EMG1: variants seen among roughly 807,000 people sequenced by gnomAD.
EMG1 encodes ribosomal RNA small subunit methyltransferase NEP1.
In EMG1, 24 loss-of-function variants were observed where a neutral mutation model predicts 26.9. That is an observed-to-expected ratio of 0.89 (90% CI 0.65 to 1.26). EMG1 has a LOEUF of 1.26. Among genes scored for constraint, EMG1 ranks in the 50% most tolerant of loss-of-function variants. The pLI, the probability that EMG1 is intolerant of heterozygous loss-of-function variation, is 0.00. For missense variants in EMG1, 299 were observed against 307.6 expected, an observed-to-expected ratio of 0.97 and a Z score of 0.21; for synonymous variants, 140 against 112.6, an observed-to-expected ratio of 1.24 and a Z score of -1.54.
chr12:6,985,607 C>T (rs1329084759), intron 6 of EMG1, among the ~76,000 whole-genome samples: 267 of 141,338 alleles, frequency 1.9e-3, no homozygotes, highest in Non-Finnish European at 3.1e-3. Context: ...CCCAGCTACT[C>T]GGGAGGCTGA....
rs782218371 is a variant in EMG1 at position 6,974,686 on chromosome 12, C to T, written c.405C>T (p.Gly135=). 45 of 1,613,848 alleles carry T rather than the reference C, an allele frequency of 2.8e-5. No individual in the cohort carries two copies. In the South Asian group the frequency reaches 4.7e-4, roughly 17 times the overall value. The change falls in exon 3 of 6, where the codon GGC becomes GGT. Residue 135 remains glycine, a synonymous_variant. Coordinates refer to ENST00000599672, the MANE Select transcript of EMG1 (RefSeq NM_006331.8). ...CCAGAACCTTTGACCGCTTTTGTGG[C>T]CTCATGGGTAAGAAGCCTTAGAACA... The part of the protein sequence containing the change: ...RIPRTFDRFC[G]LMVQLLHKLS...
At chr12:6,982,150 C>A (rs190619177), downstream of EMG1, among the ~76,000 whole-genome samples, 1 of 152,164 alleles carries the variant, frequency 6.6e-6, no homozygotes, top group African/African-American at 2.4e-5. Context: ...CCACCCCACC[C>A]GGCTAATTTT....
chr12:6,976,477 C>A lies in EMG1; in HGVS notation c.*668C>A, dbSNP rs1555153203. The A allele has an allele frequency of 6.5e-6, 1 of 153,466 alleles. No individual in the cohort carries two copies. The highest frequency in any genetic ancestry group is 6.5e-5 in the Admixed American group (1 of 15,408). The allele number at this position is 153,466 out of a possible 1,614,324, so 9.5% of individuals were successfully genotyped here. On this transcript the variant is annotated 3_prime_UTR_variant, in exon 6 of 6. Transcript: ENST00000599672. ...CGGTGGCTCACGCCTGTAATCCCAG[C>A]ACTTTGGGAGGCGGAGGCGGGTGGA...
downstream of EMG1, chr12:6,981,889 C>G (rs782789635): frequency 6.2e-7 from 1 of 1,607,590 alleles, no homozygotes; most frequent in Non-Finnish European, 8.5e-7. Flanking sequence ...TAATAGTATC[C>G]AGCCAGAAGG....
Position 6,975,163 on chromosome 12 carries a change from C to G in EMG1, c.471+15C>G, listed in dbSNP as rs1555152927. The G allele has an allele frequency of 6.2e-7, 1 of 1,613,870 alleles. No individual in the cohort carries two copies. The highest frequency in any genetic ancestry group is 1.3e-5 in the African/African-American group (1 of 74,928). The stretch of plus-strand genomic sequence containing the variant: ...AGCTTTTGAAGGTGAGGTATTGAAA[C>G]CTGTTAGTTGAAGGCTGGTTCTGGG... On this transcript the variant is annotated intron_variant, in intron 4 of 5. Coordinates refer to ENST00000599672, the MANE Select transcript of EMG1 (RefSeq NM_006331.8).
At chr12:6,974,869 C>G in intron 3 of EMG1, 176 bp downstream of exon 3, 1 of 818,350 alleles carries the variant, frequency 1.2e-6, no homozygotes, top group Non-Finnish European at 2.0e-6. Context: ...CACTCCTGTT[C>G]TTGCAGTAGC....
At position 6,971,017 on chromosome 12, in the gene EMG1, C is replaced by G. The variant is rs1946317570; in HGVS notation, c.94C>G (p.Leu32Val). 6.2e-7 allele frequency: 1 copy of G among 1,611,550 alleles called. No individual in the cohort carries two copies. The highest frequency in any genetic ancestry group is 8.5e-7 in the Non-Finnish European group (1 of 1,178,742). Reference sequence around the variant, plus strand: ...TGCTCTGCCACCCAAGCGGCCCCGACTAGGGGCAGGAAACAAGATCGGAGG... The same window carrying G: ...TGCTCTGCCACCCAAGCGGCCCCGAGTAGGGGCAGGAAACAAGATCGGAGG... The part of the protein sequence containing the change: ...WDALPPKRPR[L>V]GAGNKIGGRR... The change falls in exon 1 of 6, where the codon CTA becomes GTA. Residue 32 changes from leucine to valine, a missense_variant. Leu to Val is a conservative substitution (Grantham distance 32). Transcript: ENST00000599672.
chr12:6,976,317 AGTAAATTG>A lies in EMG1; in HGVS notation c.*510_*517del, dbSNP rs1555153179. 1 of 153,752 alleles carries A rather than the reference AGTAAATTG, an allele frequency of 6.5e-6. No individual in the cohort carries two copies. The highest frequency in any genetic ancestry group is 2.4e-5 in the African/African-American group (1 of 41,258). The allele number at this position is 153,752 out of a possible 1,614,324, so 9.5% of individuals were successfully genotyped here. On this transcript the variant is annotated 3_prime_UTR_variant, in exon 6 of 6. Transcript: ENST00000599672. ...GTGGTAGCGGCACATACACAATCAT[AGTAAATTG>A]GCAGAAGAAAAACACAATAGATTCC... is the stretch of plus-strand genomic sequence containing the variant.
chr12:6,979,345 C>T lies in EMG1; in HGVS notation c.*3536C>T, dbSNP rs140236640. 5.8e-4 allele frequency: 421 copies of T among 722,392 alleles called. 3 individuals carry two copies. In the African/African-American group the frequency reaches 7.0e-3, roughly 12 times the overall value. 44.7% of individuals were successfully genotyped at this position (722,392 alleles called of 1,614,324 possible). On this transcript the variant is annotated 3_prime_UTR_variant, in exon 6 of 6. Coordinates refer to ENST00000599672, the MANE Select transcript of EMG1 (RefSeq NM_006331.8). ...CGGCTGGCATTGACAACTCACAGATCTAGAGCAAAACCAACATGCACTTGT... is the reference window on the plus strand; with the variant it reads ...CGGCTGGCATTGACAACTCACAGATTTAGAGCAAAACCAACATGCACTTGT...
At chr12:6,974,210 G>A in intron 1 of EMG1, 129 bp from the exon 2 acceptor site, 1 of 695,766 alleles carries the variant, frequency 1.4e-6, no homozygotes, top group Non-Finnish European at 2.6e-6. Flanking sequence ...TCTAGGGTGG[G>A]CCTGAGAATT....
At position 6,977,663 on chromosome 12, in the gene EMG1, C is replaced by T. The variant is rs1946423446; in HGVS notation, c.*1854C>T. ...CAGACCAGGTATCCTGAGTGCAGGCCGTGCCAGAGGGCCAGGAATAGCAAC... is the reference window on the plus strand; with the variant it reads ...CAGACCAGGTATCCTGAGTGCAGGCTGTGCCAGAGGGCCAGGAATAGCAAC... On this transcript the variant is annotated 3_prime_UTR_variant, in exon 6 of 6. Coordinates refer to ENST00000599672, the MANE Select transcript of EMG1 (RefSeq NM_006331.8). This position sits in a 1 kb window ranked among gnomAD's most constrained non-coding sequence, Gnocchi z 4.5. 3 of 1,614,168 alleles carry T rather than the reference C, an allele frequency of 1.9e-6. No individual in the cohort carries two copies. Among genetic ancestry groups the T allele is most frequent in the Non-Finnish European group, 2.5e-6 (3 of 1,180,034 alleles).
chr12:6,971,622 T>G (rs1946330274), intron 1 of EMG1, among the ~76,000 whole-genome samples: 1 of 152,224 alleles, frequency 6.6e-6, no homozygotes, highest in South Asian at 2.1e-4. Flanking sequence ...ATTCTAGCCC[T>G]CACCTCCTTG....
chr12:6,982,459 G>A (rs144784400), downstream of EMG1, among the ~76,000 whole-genome samples: 165 of 152,334 alleles, frequency 1.1e-3, no homozygotes, highest in Admixed American at 9.4e-3. Flanking sequence ...GGGTTAGCTG[G>A]TGGCCCTTCC....
downstream of EMG1, chr12:6,983,357 A>G: frequency 1.0e-6 from 1 of 967,912 alleles, no homozygotes; most frequent in Non-Finnish European, 1.6e-6. Context: ...AGATTCTCTC[A>G]AGGAAATTTT....
chr12:6,984,619 C>A (rs1946503337), downstream of EMG1, among the ~76,000 whole-genome samples: 1 of 152,238 alleles, frequency 6.6e-6, no homozygotes, highest in Non-Finnish European at 1.5e-5. Context: ...GGGTCTCTTG[C>A]TCTGTCACCC....
At chr12:6,975,547 A>C (rs1000141659) in intron 5 of EMG1, 149 bp from the exon 6 acceptor site, 9 of 946,396 alleles carry the variant, frequency 9.5e-6, no homozygotes, top group Middle Eastern at 5.8e-4. Flanking sequence ...ATTGGAAGTC[A>C]CAGTTAGGAC....
Position 6,977,672 on chromosome 12 carries a change from G to A in EMG1, c.*1863G>A, listed in dbSNP as rs1591710738. ...TATCCTGAGTGCAGGCCGTGCCAGAGGGCCAGGAATAGCAACGAGAGACCC... is the reference window on the plus strand; with the variant it reads ...TATCCTGAGTGCAGGCCGTGCCAGAAGGCCAGGAATAGCAACGAGAGACCC... On this transcript the variant is annotated 3_prime_UTR_variant, in exon 6 of 6. Coordinates refer to ENST00000599672, the MANE Select transcript of EMG1 (RefSeq NM_006331.8). This position sits in a 1 kb window ranked among gnomAD's most constrained non-coding sequence, Gnocchi z 4.5. 6.2e-7 allele frequency: 1 copy of A among 1,614,228 alleles called. No individual in the cohort carries two copies. The highest frequency in any genetic ancestry group is 2.2e-5 in the East Asian group (1 of 44,894).
At chr12:6,983,330 T>C (rs1946489305), downstream of EMG1, 7 of 746,568 alleles carry the variant, frequency 9.4e-6, no homozygotes, top group Non-Finnish European at 1.6e-5. Flanking sequence ...GGGAGCATTA[T>C]AACTTCCCTA....
At chr12:6,992,613 A>G (rs1946599516), downstream of EMG1, among the ~76,000 whole-genome samples, 1 of 152,240 alleles carries the variant, frequency 6.6e-6, no homozygotes, top group Non-Finnish European at 1.5e-5. Flanking sequence ...GGAGTAGTCT[A>G]TGGACTGCAT....
Sources: allele counts gnomAD v4.1 joint callset (sites outside exome capture counted in the v4.1 genomes callset), GRCh38; gene constraint gnomAD v4.1.1; non-coding constraint Gnocchi (gnomAD v3.1); transcripts MANE v1.5; gene names NCBI Gene and HGNC (gene_info 2026-07-23, HGNC 2026-07-21).